Variants in FIGN observed in about 807,000 individuals in gnomAD.
FIGN encodes the protein fidgetin.
A neutral mutation model predicts 51.3 loss-of-function variants in FIGN; 11 were observed. That is an observed-to-expected ratio of 0.21 (90% confidence interval 0.13 to 0.35). The LOEUF is 0.35. Ranked by LOEUF, FIGN falls within the 10% of genes least tolerant of loss-of-function variation. FIGN has a pLI of 1.00. For synonymous variants in FIGN, 407 were observed against 363.2 expected (o/e 1.12, Z -1.37); for missense variants, 857 against 943.6 (o/e 0.91, Z 1.20).
chr2:163,733,074 A>G (rs1336956566), intron 2 of FIGN, among the ~76,000 whole-genome samples: 2 of 152,208 alleles, frequency 1.3e-5, no homozygotes, highest in Admixed American at 1.3e-4. Flanking sequence ...CTTTATACAT[A>G]TACACAAGTG....
rs1231222806 is a variant in FIGN, at chr2:163,605,720, A to G, written c.*3832T>C. On this transcript the variant is annotated 3_prime_UTR_variant, in exon 3 of 3. Coordinates refer to ENST00000333129, the MANE Select transcript of FIGN (RefSeq NM_018086.4). ...GTCCCTTTCACTTTGCAAAATACAG[A>G]TTCAATGATCATGCTACCCAATTCT... The G allele has an allele frequency of 6.6e-6, 1 of 152,006 alleles. No homozygotes were observed. The highest frequency in any genetic ancestry group is 1.5e-5 in the Non-Finnish European group (1 of 67,998). 9.4% of individuals were successfully genotyped at this position (152,006 alleles called of 1,614,324 possible). A position where few individuals can be genotyped will look rare whatever the true frequency, so the allele number is the denominator to read the frequency against.
intron 2 of FIGN, among the ~76,000 whole-genome samples, chr2:163,687,731 AT>A (rs1400672964): frequency 6.6e-5 from 10 of 152,174 alleles, no homozygotes; most frequent in Admixed American, 6.5e-5. Context: ...TAAAGTATAT[AT>A]TTTTTATCCT....
intron 2 of FIGN, among the ~76,000 whole-genome samples, chr2:163,678,878 GA>G (rs1487716291): frequency 6.6e-6 from 1 of 152,094 alleles, no homozygotes. Context: ...CCAGTTCATT[GA>G]AGAAATCATG....
chr2:163,685,440 A>G (rs1684132196), intron 2 of FIGN, among the ~76,000 whole-genome samples: 1 of 152,180 alleles, frequency 6.6e-6, no homozygotes, highest in African/African-American at 2.4e-5. Context: ...GACATCTTCT[A>G]GATAAATACA....
Position 163,609,539 on chromosome 2 carries a change from T to C in FIGN, c.*13A>G, listed in dbSNP as rs776439881. On this transcript the variant is annotated 3_prime_UTR_variant, in exon 3 of 3. Coordinates refer to ENST00000333129, the MANE Select transcript of FIGN (RefSeq NM_018086.4). ...GCCAACATTCATTACATTTTTTTTT[T>C]CTAAAGAAGTTATCACTGACTGCAA... 3 of 1,551,970 alleles carry C rather than the reference T, an allele frequency of 1.9e-6. No individual in the cohort carries two copies. Among genetic ancestry groups the C allele is most frequent in the Non-Finnish European group, 1.7e-6 (2 of 1,143,008 alleles).
chr2:163,611,934 A>ATAC lies in FIGN; in HGVS notation c.26-129_26-128insGTA, dbSNP rs1464092028. 2.4e-5 allele frequency: 16 copies of ATAC among 675,722 alleles called. No homozygotes were observed. The African/African-American group carries it at 2.9e-4, about 12-fold the overall frequency. 41.9% of individuals were successfully genotyped at this position (675,722 alleles called of 1,614,324 possible). ...GATATGCATACTTTAAAAGATCTAC[A>ATAC]CTGTTTATAATACCTATTATGATCC... On this transcript the variant is annotated intron_variant, in intron 2 of 2. Transcript: ENST00000333129.
At chr2:163,662,471 G>T (rs1042613577) in intron 2 of FIGN, among the ~76,000 whole-genome samples, 1 of 152,216 alleles carries the variant, frequency 6.6e-6, no homozygotes, top group African/African-American at 2.4e-5. Flanking sequence ...TCAAGCTGCA[G>T]AAATTTGCAT....
intron 2 of FIGN, among the ~76,000 whole-genome samples, chr2:163,722,765 C>A (rs1269890911): frequency 6.6e-6 from 1 of 151,840 alleles, no homozygotes; most frequent in Non-Finnish European, 1.5e-5. Flanking sequence ...GTTATAAAGT[C>A]TTTCTTTGGT....
At chr2:163,675,260 G>A (rs921807264) in intron 2 of FIGN, among the ~76,000 whole-genome samples, 63 of 152,180 alleles carry the variant, frequency 4.1e-4, no homozygotes, top group African/African-American at 1.5e-3. Context: ...AATCAAGAGA[G>A]TATATTGTTT....
chr2:163,647,525 A>C (rs1022453158), intron 2 of FIGN, among the ~76,000 whole-genome samples: 49 of 152,096 alleles, frequency 3.2e-4, no homozygotes, highest in African/African-American at 1.2e-3. Context: ...CTTGACTGTC[A>C]TTCTGCAGAC....
intron 2 of FIGN, among the ~76,000 whole-genome samples, chr2:163,707,708 G>C (rs991156949): frequency 2.0e-5 from 3 of 151,986 alleles, no homozygotes; most frequent in Non-Finnish European, 4.4e-5. Context: ...TCTATTTATG[G>C]AAATGGCTTT....
At chr2:163,684,939 A>ATTT (rs548647272) in intron 2 of FIGN, among the ~76,000 whole-genome samples, 6 of 119,458 alleles carry the variant, frequency 5.0e-5, no homozygotes, top group East Asian at 2.6e-4. Context: ...ATGCCTGGCT[A>ATTT]TTTTTTTTTT....
intron 2 of FIGN, among the ~76,000 whole-genome samples, chr2:163,650,974 T>C (rs1481416910): frequency 6.6e-6 from 1 of 152,314 alleles, no homozygotes; most frequent in East Asian, 1.9e-4. Context: ...AGTTTCTGTG[T>C]TGAGGACAGC....
chr2:163,663,201 G>A (rs1041092041), intron 2 of FIGN, among the ~76,000 whole-genome samples: 3 of 151,348 alleles, frequency 2.0e-5, no homozygotes, highest in Non-Finnish European at 2.9e-5. Context: ...GATTACAGGC[G>A]TGATCGACCG....
rs1370449819 is a variant in FIGN, at chr2:163,609,527, A to G, written c.*25T>C. 2 of 1,527,822 alleles carry G rather than the reference A, an allele frequency of 1.3e-6. No homozygotes were observed. Among genetic ancestry groups the G allele is most frequent in the East Asian group, 4.5e-5 (2 of 44,190 alleles). 94.6% of individuals were successfully genotyped at this position (1,527,822 alleles called of 1,614,324 possible). ...TTATGTGTGTGTGCCAACATTCATT[A>G]CATTTTTTTTTTCTAAAGAAGTTAT... On this transcript the variant is annotated 3_prime_UTR_variant, in exon 3 of 3. Coordinates refer to ENST00000333129, the MANE Select transcript of FIGN (RefSeq NM_018086.4).
In FIGN at chr2:163,660,887, T is replaced by A. The variant is rs77320595; in HGVS notation, c.26-49081A>T. ...TATATATATATATATATATTTTTTT[T>A]TTTTTTTTTTTTTTTTTTGAGATGG... On this transcript the variant is annotated intron_variant, in intron 2 of 2. Coordinates refer to ENST00000333129, the MANE Select transcript of FIGN (RefSeq NM_018086.4). Among the ~76,000 whole-genome samples, 38 of 16,628 alleles carry A rather than the reference T, an allele frequency of 2.3e-3. 10 individuals are homozygous for A. Among genetic ancestry groups the A allele is most frequent in the East Asian group, 6.5e-3 (4 of 620 alleles). 10.9% of individuals were successfully genotyped at this position (16,628 alleles called of 152,430 possible).
At chr2:163,662,661 C>A (rs530151956) in intron 2 of FIGN, among the ~76,000 whole-genome samples, 13 of 152,304 alleles carry the variant, frequency 8.5e-5, no homozygotes, top group African/African-American at 3.1e-4. Flanking sequence ...TTGGTGCCTG[C>A]CCTGTGTCCC....
intron 2 of FIGN, among the ~76,000 whole-genome samples, chr2:163,631,865 A>C (rs115663220): frequency 0.018 from 2,733 of 152,254 alleles, 63 homozygotes; most frequent in African/African-American, 0.059. Context: ...TATTTAAGGT[A>C]GGCTGGGCGC....
intron 2 of FIGN, among the ~76,000 whole-genome samples, chr2:163,674,249 C>T (rs1402066212): frequency 1.3e-5 from 2 of 152,078 alleles, no homozygotes; most frequent in African/African-American, 4.8e-5. Context: ...TGTTTTGTGC[C>T]AGCTGAATGT....
Sources: allele counts gnomAD v4.1 joint callset (sites outside exome capture counted in the v4.1 genomes callset), GRCh38; gene constraint gnomAD v4.1.1; transcripts MANE v1.5; gene names NCBI Gene and HGNC (gene_info 2026-07-23, HGNC 2026-07-21).